Variants in POPDC1 observed in about 807,000 individuals in gnomAD.
The protein encoded by POPDC1 is popeye domain-containing protein 1.
chr6:105,136,650 G>A, the POPDC1 span: 3 of 152,446 alleles, frequency 2.0e-5, no homozygotes, highest in African/African-American at 7.2e-5. Flanking sequence ...CGAGGGCCCG[G>A]GGACGCTGGG....
the POPDC1 span, among the ~76,000 whole-genome samples, chr6:105,126,647 TACTA>T: frequency 4.6e-5 from 7 of 152,160 alleles, no homozygotes; most frequent in African/African-American, 1.4e-4. Context: ...ACAAAAAATT[TACTA>T]ACTTTTAAAT....
At chr6:105,121,356 C>T in the POPDC1 span, among the ~76,000 whole-genome samples, 1 of 150,026 alleles carries the variant, frequency 6.7e-6, no homozygotes, top group African/African-American at 2.5e-5. Flanking sequence ...ACCTCCGCCT[C>T]CCGAGTTCAA....
chr6:105,099,447 G>C, the POPDC1 span: 1 of 152,220 alleles, frequency 6.6e-6, no homozygotes, highest in African/African-American at 2.4e-5. Context: ...GCCATTTAAC[G>C]TAACAGGAGA....
the POPDC1 span, chr6:105,116,661 T>A: frequency 6.7e-7 from 1 of 1,483,284 alleles, no homozygotes; most frequent in Non-Finnish European, 9.1e-7. Context: ...ATACCTCATA[T>A]ACATATTTAT....
the POPDC1 span, chr6:105,115,865 G>T: frequency 6.2e-7 from 1 of 1,605,352 alleles, no homozygotes; most frequent in Non-Finnish European, 8.5e-7. Flanking sequence ...AGAATTATGG[G>T]AGTTGAATCA....
the POPDC1 span, among the ~76,000 whole-genome samples, chr6:105,116,274 C>A: frequency 2.0e-5 from 3 of 152,070 alleles, no homozygotes; most frequent in African/African-American, 7.2e-5. Flanking sequence ...CAGCTCTACA[C>A]CTCTCCTTTC....
the POPDC1 span, among the ~76,000 whole-genome samples, chr6:105,132,489 C>T: frequency 1.3e-5 from 2 of 152,182 alleles, no homozygotes; most frequent in African/African-American, 2.4e-5. Context: ...GGGTGCACAC[C>T]TGCATCCCAG....
the POPDC1 span, chr6:105,133,506 G>A: frequency 6.2e-7 from 1 of 1,613,862 alleles, no homozygotes; most frequent in Non-Finnish European, 8.5e-7. Context: ...GCACAGGTAT[G>A]ATACTTTCTA....
the POPDC1 span, among the ~76,000 whole-genome samples, chr6:105,107,915 C>A: frequency 2.0e-5 from 3 of 151,992 alleles, no homozygotes; most frequent in African/African-American, 7.3e-5. Flanking sequence ...AACAATAATA[C>A]TAAAGAGTAG....
the POPDC1 span, among the ~76,000 whole-genome samples, chr6:105,132,916 T>C: frequency 6.6e-6 from 1 of 152,216 alleles, no homozygotes; most frequent in Admixed American, 6.5e-5. Flanking sequence ...AAGTTAAATA[T>C]ATATATGACA....
chr6:105,109,753 G>T, the POPDC1 span, among the ~76,000 whole-genome samples: 2 of 5,548 alleles, frequency 3.6e-4, no homozygotes, highest in Non-Finnish European at 1.3e-3. Context: ...GACAGAGTGA[G>T]ACCCTTTCTC....
At chr6:105,123,371 T>C in the POPDC1 span, among the ~76,000 whole-genome samples, 64 of 152,224 alleles carry the variant, frequency 4.2e-4, no homozygotes, top group African/African-American at 1.4e-3. Flanking sequence ...ATCAGAACAG[T>C]GTCACATAAT....
the POPDC1 span, chr6:105,116,758 A>G: frequency 2.5e-6 from 4 of 1,611,888 alleles, no homozygotes; most frequent in African/African-American, 2.7e-5. Flanking sequence ...TGTCTTTTCC[A>G]ATAAGATACC....
At chr6:105,129,524 C>T in the POPDC1 span, 1 of 1,602,386 alleles carries the variant, frequency 6.2e-7, no homozygotes, top group South Asian at 1.1e-5. Flanking sequence ...GCAAAGTTAA[C>T]ACGTTAGATA....
chr6:105,128,174 T>C, the POPDC1 span, among the ~76,000 whole-genome samples: 36 of 152,366 alleles, frequency 2.4e-4, no homozygotes, highest in South Asian at 6.0e-3. Context: ...GTTAGATTAT[T>C]GTTTCCAATT....
the POPDC1 span, chr6:105,133,566 T>C: frequency 2.4e-5 from 37 of 1,572,694 alleles, no homozygotes; most frequent in Non-Finnish European, 2.9e-5. Context: ...GGCTGGACTC[T>C]GTATAATTCA....
At chr6:105,119,458 C>T in the POPDC1 span, among the ~76,000 whole-genome samples, 3 of 152,248 alleles carry the variant, frequency 2.0e-5, no homozygotes, top group East Asian at 5.8e-4. Context: ...GCAAGATTTA[C>T]AGGAAGAGGA....
At chr6:105,126,220 C>T in the POPDC1 span, among the ~76,000 whole-genome samples, 15 of 136,254 alleles carry the variant, frequency 1.1e-4, no homozygotes, top group Non-Finnish European at 2.0e-4. Context: ...GAGCGAAACT[C>T]GGTATCAAAA....
At chr6:105,111,887 C>T in the POPDC1 span, among the ~76,000 whole-genome samples, 2 of 152,322 alleles carry the variant, frequency 1.3e-5, no homozygotes, top group Non-Finnish European at 2.9e-5. Context: ...ATATTTGTCG[C>T]ATTACTGATT....
Sources: allele counts gnomAD v4.1 joint callset (sites outside exome capture counted in the v4.1 genomes callset), GRCh38; gene constraint gnomAD v4.1.1; transcripts MANE v1.5; gene names NCBI Gene and HGNC (gene_info 2026-07-23, HGNC 2026-07-21).